Variants in PTPRK observed in about 807,000 individuals in gnomAD.
PTPRK encodes the protein receptor-type tyrosine-protein phosphatase kappa.
A neutral mutation model predicts 178.0 loss-of-function variants in PTPRK; 75 were observed. That is an observed-to-expected ratio of 0.42 (90% CI 0.35 to 0.51). The LOEUF (loss-of-function observed/expected upper bound fraction) is 0.51. Ranked by LOEUF, PTPRK falls within the 20% of genes least tolerant of loss-of-function variation. The pLI is 0.02. For synonymous variants in PTPRK, 637 were observed against 620.6 expected, an observed-to-expected ratio of 1.03 and a Z score of -0.39; for missense variants, 1,441 against 1,797.8, an observed-to-expected ratio of 0.80 and a Z score of 3.59.
intron 1 of PTPRK, among the ~76,000 whole-genome samples, chr6:128,458,639 G>T (rs1356735701): frequency 6.6e-6 from 1 of 152,164 alleles, no homozygotes; most frequent in African/African-American, 2.4e-5. Flanking sequence ...GGTGAACGGT[G>T]TATTAATTTG....
At chr6:128,255,704 T>C (rs1817174162) in intron 3 of PTPRK, among the ~76,000 whole-genome samples, 1 of 152,214 alleles carries the variant, frequency 6.6e-6, no homozygotes, top group African/African-American at 2.4e-5. Flanking sequence ...AACATGGTCC[T>C]GGCAACAAAA....
intron 2 of PTPRK, among the ~76,000 whole-genome samples, chr6:128,382,477 G>A (rs1041595818): frequency 2.1e-4 from 31 of 147,174 alleles, no homozygotes; most frequent in African/African-American, 7.5e-4. Flanking sequence ...GTGTGATCTC[G>A]GCTAACTGCA....
chr6:128,120,040 T>C (rs1792197723), intron 7 of PTPRK, among the ~76,000 whole-genome samples: 2 of 152,110 alleles, frequency 1.3e-5, no homozygotes, highest in South Asian at 4.1e-4. Flanking sequence ...TGTAATCCAA[T>C]GAAATCTGAA....
At chr6:128,360,903 T>C (rs1834650263) in intron 2 of PTPRK, among the ~76,000 whole-genome samples, 1 of 152,114 alleles carries the variant, frequency 6.6e-6, no homozygotes, top group African/African-American at 2.4e-5. Flanking sequence ...CTGAGTAACA[T>C]GAAATAACCT....
At chr6:128,360,009 T>G (rs1028217064) in intron 2 of PTPRK, among the ~76,000 whole-genome samples, 5 of 152,176 alleles carry the variant, frequency 3.3e-5, no homozygotes, top group Non-Finnish European at 5.9e-5. Flanking sequence ...GAAGGTCTTC[T>G]TCATCAATAA....
rs76715732 is a variant in PTPRK, at chr6:128,519,314, C to A, written c.100+945G>T. 1.5e-4 allele frequency among the ~76,000 whole-genome samples: 23 copies of A among 152,326 alleles called. No individual in the cohort carries two copies. In the East Asian group the frequency reaches 4.4e-3, roughly 29 times the overall value. ...AACTGGAGGGGAACAGAGGGCGGGA[C>A]CGGGAGAGCCAGGGTTCACGGACTT... On this transcript the variant is annotated intron_variant, in intron 1 of 29. Coordinates refer to ENST00000368226, the MANE Select transcript of PTPRK (RefSeq NM_002844.4). The surrounding 1 kb of genome is among the most constrained non-coding windows in gnomAD (Gnocchi z 4.3).
chr6:128,181,538 G>A (rs529986648), intron 7 of PTPRK, among the ~76,000 whole-genome samples: 47 of 152,170 alleles, frequency 3.1e-4, no homozygotes, highest in African/African-American at 8.4e-4. Context: ...ATTTAGGCAT[G>A]CAGAATTTAA....
intron 2 of PTPRK, among the ~76,000 whole-genome samples, chr6:128,370,415 A>G (rs558359242): frequency 3.3e-5 from 5 of 152,234 alleles, no homozygotes; most frequent in Non-Finnish European, 5.9e-5. Flanking sequence ...TGCCCCTGAT[A>G]TACATTTTTT....
At chr6:128,413,065 C>G (rs1045488178) in intron 1 of PTPRK, among the ~76,000 whole-genome samples, 1 of 152,184 alleles carries the variant, frequency 6.6e-6, no homozygotes, top group African/African-American at 2.4e-5. Flanking sequence ...ATTTCAGCAT[C>G]TACAACCCAT....
chr6:127,975,632 C>T (rs1774461527), intron 27 of PTPRK, among the ~76,000 whole-genome samples: 2 of 152,258 alleles, frequency 1.3e-5, no homozygotes, highest in South Asian at 4.2e-4. Context: ...GTTTTCTTTT[C>T]CAATTCTGCT....
In PTPRK at chr6:128,520,459, G is replaced by T; in HGVS notation, c.-101C>A. The T allele has an allele frequency of 8.8e-7, 1 of 1,133,368 alleles. No individual in the cohort carries two copies. The highest frequency in any genetic ancestry group is 1.5e-5 in the African/African-American group (1 of 65,158). The allele number at this position is 1,133,368 out of a possible 1,614,324, so 70.2% of individuals were successfully genotyped here. A position where few individuals can be genotyped will look rare whatever the true frequency, so the allele number is the denominator to read the frequency against. On this transcript the variant is annotated 5_prime_UTR_variant, in exon 1 of 30. Coordinates refer to ENST00000368226, the MANE Select transcript of PTPRK (RefSeq NM_002844.4). ...AGCGGGCCGGGCCTCGCGGGGTGAG[G>T]ACGGTGAGAGGACAGCCGCCCGCCC...
At chr6:128,516,740 C>T (rs901345917) in intron 1 of PTPRK, among the ~76,000 whole-genome samples, 1 of 152,022 alleles carries the variant, frequency 6.6e-6, no homozygotes, top group Admixed American at 6.6e-5. Context: ...ACAAGAGAGA[C>T]AATAGTCCCT....
intron 1 of PTPRK, among the ~76,000 whole-genome samples, chr6:128,404,322 G>A (rs905742524): frequency 2.6e-5 from 4 of 152,186 alleles, no homozygotes; most frequent in Non-Finnish European, 4.4e-5. Context: ...AGGGCCTTCC[G>A]TCCAAATGCT....
At chr6:128,101,732 T>C (rs1200196502) in intron 7 of PTPRK, among the ~76,000 whole-genome samples, 2 of 152,158 alleles carry the variant, frequency 1.3e-5, no homozygotes, top group Non-Finnish European at 1.5e-5. Context: ...TGCCACTTTA[T>C]CTCATGTATT....
chr6:128,169,445 C>T (rs189573081), intron 7 of PTPRK, among the ~76,000 whole-genome samples: 1 of 151,912 alleles, frequency 6.6e-6, no homozygotes, highest in East Asian at 1.9e-4. Context: ...TGCTATAGAT[C>T]AATCTCTTTA....
At chr6:128,218,163 A>T (rs981034167) in intron 6 of PTPRK, among the ~76,000 whole-genome samples, 1 of 152,090 alleles carries the variant, frequency 6.6e-6, no homozygotes, top group East Asian at 1.9e-4. Context: ...CATTTTTAAC[A>T]CCTGTCTATA....
chr6:128,128,329 A>G (rs894518581), intron 7 of PTPRK, among the ~76,000 whole-genome samples: 1 of 151,846 alleles, frequency 6.6e-6, no homozygotes, highest in East Asian at 1.9e-4. Flanking sequence ...TTAGAATCTC[A>G]CCCCACCCTC....
At chr6:128,071,025 C>A (rs531060977) in intron 11 of PTPRK, among the ~76,000 whole-genome samples, 1 of 151,528 alleles carries the variant, frequency 6.6e-6, no homozygotes. Flanking sequence ...TTCTCATTTA[C>A]CTTTCTTCCT....
chr6:127,996,015 T>G (rs1777109060), intron 17 of PTPRK, among the ~76,000 whole-genome samples: 1 of 152,108 alleles, frequency 6.6e-6, no homozygotes, highest in African/African-American at 2.4e-5. Context: ...TAAAATAATT[T>G]AAATTCAGAG....
Sources: gnomAD v4.1 joint callset for allele counts (sites outside exome capture counted in the v4.1 genomes callset) on GRCh38, gnomAD v4.1.1 for gene constraint, Gnocchi (gnomAD v3.1) non-coding constraint, MANE v1.5 for transcripts, NCBI Gene and HGNC (gene_info 2026-07-23, HGNC 2026-07-21) for gene names.